SUMF2: variants seen among roughly 807,000 people sequenced by gnomAD.
The protein encoded by SUMF2 is inactive C-alpha-formylglycine-generating enzyme 2.
A neutral mutation model predicts 44.8 loss-of-function variants in SUMF2; 45 were observed. That is an observed-to-expected ratio of 1.00 (90% confidence interval 0.79 to 1.29). The LOEUF is 1.29. Among genes scored for constraint, SUMF2 ranks in the 50% most tolerant of loss-of-function variants. The pLI, the probability that SUMF2 is intolerant of heterozygous loss-of-function variation, is 0.00. For synonymous variants in SUMF2, 148 were observed against 150.4 expected (o/e 0.98, Z 0.12); for missense variants, 418 against 389.9 (o/e 1.07, Z -0.61).
At position 56,079,753 on chromosome 7, in the gene SUMF2, C is replaced by T. The variant is rs1795850391; in HGVS notation, c.*141C>T. 2 of 1,567,654 alleles carry T rather than the reference C, an allele frequency of 1.3e-6. No individual in the cohort carries two copies. The highest frequency in any genetic ancestry group is 4.8e-5 in the East Asian group (2 of 41,884). On this transcript the variant is annotated 3_prime_UTR_variant, in exon 9 of 9. Coordinates refer to ENST00000434526, the MANE Select transcript of SUMF2 (RefSeq NM_015411.4). ...TTCCCTGTCTCCCATCCCTCTGTGGCAGGCGCCTCTCACCAGGGCAGGAGA... is the reference window on the plus strand; with the variant it reads ...TTCCCTGTCTCCCATCCCTCTGTGGTAGGCGCCTCTCACCAGGGCAGGAGA...
At chr7:56,075,901 G>A (rs978512211) in intron 5 of SUMF2, among the ~76,000 whole-genome samples, 1 of 151,812 alleles carries the variant, frequency 6.6e-6, no homozygotes, top group Non-Finnish European at 1.5e-5. Context: ...TAGCTCTGTC[G>A]CCCAAGGCTG....
At chr7:56,073,195 C>T in intron 3 of SUMF2, 84 bp downstream of exon 3, 1 of 1,061,570 alleles carries the variant, frequency 9.4e-7, no homozygotes, top group Non-Finnish European at 1.5e-6. Flanking sequence ...ACCTGGGACA[C>T]AGTGGAGAAT....
At position 56,074,566 on chromosome 7, in the gene SUMF2, CACTT is replaced by C. The variant is rs754436321; in HGVS notation, c.385-18_385-15del. ...TTAATGCGCTCCCGGAAGCCTGTCT[CACTT>C]AATCCTGGCTGTCAGCCTGCAGGTC... On this transcript the variant is annotated splice_polypyrimidine_tract_variant and intron_variant, in intron 4 of 8. Transcript: ENST00000434526. 1.2e-6 allele frequency: 2 copies of C among 1,613,376 alleles called. No homozygotes were observed. Among genetic ancestry groups the C allele is most frequent in the East Asian group, 2.2e-5 (1 of 44,856 alleles).
rs753438424 is a variant in SUMF2 at position 56,074,565 on chromosome 7, TCA to T, written c.385-19_385-18del. The T allele has an allele frequency of 1.9e-6, 3 of 1,611,160 alleles. No individual in the cohort carries two copies. Among genetic ancestry groups the T allele is most frequent in the Non-Finnish European group, 2.5e-6 (3 of 1,177,716 alleles). ...CTTAATGCGCTCCCGGAAGCCTGTC[TCA>T]CTTAATCCTGGCTGTCAGCCTGCAG... On this transcript the variant is annotated intron_variant, in intron 4 of 8. Transcript: ENST00000434526.
intron 3 of SUMF2, chr7:56,073,421 G>A: frequency 5.2e-6 from 2 of 384,476 alleles, no homozygotes; most frequent in South Asian, 4.4e-5. Flanking sequence ...GAGAGGCTGA[G>A]GTGAGTGGAT....
chr7:56,079,471 A>G, intron 8 of SUMF2, 57 bp from the exon 9 acceptor site: 1 of 1,531,320 alleles, frequency 6.5e-7, no homozygotes, highest in Non-Finnish European at 8.8e-7. Context: ...AAGATGGGTA[A>G]GCCCTAGGCC....
At chr7:56,086,857 T>C in the SUMF2 span, 2 of 831,734 alleles carry the variant, frequency 2.4e-6, no homozygotes, top group East Asian at 2.4e-5. Flanking sequence ...TGATTGTATT[T>C]GGCATCCTCA....
intron 6 of SUMF2, among the ~76,000 whole-genome samples, chr7:56,077,263 G>A (rs1221997579): frequency 2.7e-5 from 4 of 150,456 alleles, no homozygotes; most frequent in Non-Finnish European, 5.9e-5. Context: ...TGGCCAGGCT[G>A]GTCTCAAACT....
chr7:56,078,636 C>T, intron 8 of SUMF2, 128 bp downstream of exon 8: 1 of 1,163,420 alleles, frequency 8.6e-7, no homozygotes, highest in Non-Finnish European at 1.1e-6. Flanking sequence ...CCCAGCACCT[C>T]CCTGAGCCTG....
chr7:56,072,277 T>G (rs1562863671), intron 2 of SUMF2, among the ~76,000 whole-genome samples: 1 of 150,250 alleles, frequency 6.7e-6, no homozygotes, highest in Non-Finnish European at 1.5e-5. Context: ...AATACAAAAA[T>G]TAGCTGGGCG....
chr7:56,064,602 G>A (rs1794622469), intron 1 of SUMF2, among the ~76,000 whole-genome samples: 1 of 152,140 alleles, frequency 6.6e-6, no homozygotes, highest in South Asian at 2.1e-4. Context: ...GGCCGGGCGC[G>A]GTGGCTCGAG....
rs781396845 is a variant in SUMF2, at chr7:56,068,604, A to C, written c.190A>C (p.Ile64Leu). ...GGAGGCGACAGTGAAACCCTTTGCC[A>C]TCGACATATTTCCTGTCACCAACAA... ...VREATVKPFA[I>L]DIFPVTNKDF... Residue 64 changes from isoleucine to leucine, a missense_variant, in exon 2 of 9, where the codon ATC becomes CTC. Transcript: ENST00000434526. 6.2e-7 allele frequency: 1 copy of C among 1,613,874 alleles called. No homozygotes were observed. Among genetic ancestry groups the C allele is most frequent in the South Asian group, 1.1e-5 (1 of 91,064 alleles).
Position 56,064,342 on chromosome 7 carries a change from C to T in SUMF2, c.31C>T (p.Leu11=), listed in dbSNP as rs776004887. 2.5e-6 allele frequency: 4 copies of T among 1,602,680 alleles called. No homozygotes were observed. The highest frequency in any genetic ancestry group is 3.4e-6 in the Non-Finnish European group (4 of 1,175,278). The change falls in exon 1 of 9, where the codon CTG becomes TTG. Residue 11 remains leucine, a synonymous_variant. Transcript: ENST00000434526. MARHGLPLLP[L]LSLLVGAWLK... The stretch of plus-strand genomic sequence containing the variant: ...CCGGCATGGGTTACCGCTGCTGCCC[C>T]TGCTGTCGCTCCTGGTCGGCGCGTG...
At chr7:56,084,337 C>A, downstream of SUMF2, 1 of 685,730 alleles carries the variant, frequency 1.5e-6, no homozygotes, top group Non-Finnish European at 2.5e-6. Context: ...GCCCAGGACC[C>A]CAGACCCAGA....
intron 1 of SUMF2, among the ~76,000 whole-genome samples, chr7:56,064,882 CAAAAAAAAA>C (rs71015175): frequency 2.1e-4 from 3 of 14,300 alleles, no homozygotes; most frequent in African/African-American, 6.6e-4. Context: ...TACTTTATCT[CAAAAAAAAA>C]AAAAAAAAAA....
At chr7:56,067,473 T>C (rs560370644) in intron 1 of SUMF2, among the ~76,000 whole-genome samples, 6 of 152,274 alleles carry the variant, frequency 3.9e-5, no homozygotes, top group African/African-American at 9.6e-5. Context: ...CCTGGTTCCA[T>C]GTTATTTTAA....
At chr7:56,065,429 C>T (rs370996081) in intron 1 of SUMF2, among the ~76,000 whole-genome samples, 1 of 152,208 alleles carries the variant, frequency 6.6e-6, no homozygotes, top group East Asian at 1.9e-4. Flanking sequence ...ATTGACAGTG[C>T]TTCTTAATAA....
At chr7:56,068,738 G>A in intron 2 of SUMF2, 100 bp downstream of exon 2, 1 of 1,380,380 alleles carries the variant, frequency 7.2e-7, no homozygotes, top group South Asian at 1.3e-5. Context: ...GACTCCCTCT[G>A]TCACCCAGGT....
intron 1 of SUMF2, among the ~76,000 whole-genome samples, chr7:56,065,190 CAAA>C (rs60513641): frequency 1.2e-4 from 7 of 56,546 alleles, no homozygotes; most frequent in Non-Finnish European, 1.4e-4. Context: ...GACTCCGTCT[CAAA>C]AAAAAAAAAA....
Sources: gnomAD v4.1 joint callset for allele counts (sites outside exome capture counted in the v4.1 genomes callset) on GRCh38, gnomAD v4.1.1 for gene constraint, MANE v1.5 for transcripts, NCBI Gene and HGNC (gene_info 2026-07-23, HGNC 2026-07-21) for gene names.